NCAM2: variants seen among roughly 807,000 people sequenced by gnomAD.
NCAM2 encodes N-CAM-2.
Under a neutral mutation model 98.1 loss-of-function variants are expected in NCAM2, and 30 were observed. The observed-to-expected ratio is 0.31, with a 90% confidence interval of 0.23 to 0.41. The LOEUF is 0.41. Ranked by LOEUF, NCAM2 falls within the 10% of genes least tolerant of loss-of-function variation. The pLI is 1.00. For missense variants in NCAM2, 867 were observed against 1,005.8 expected (o/e 0.86, Z 1.87); for synonymous variants, 368 against 342.4 (o/e 1.07, Z -0.83).
chr21:21,468,863 G>T (rs1165584699), intron 14 of NCAM2, 80 bp downstream of exon 14: 3 of 1,251,216 alleles, frequency 2.4e-6, no homozygotes, highest in African/African-American at 3.0e-5. Flanking sequence ...AAACATATCA[G>T]GAGAGAATGT....
At chr21:21,526,074 C>A (rs563924946) in intron 16 of NCAM2, among the ~76,000 whole-genome samples, 1 of 151,940 alleles carries the variant, frequency 6.6e-6, no homozygotes, top group Non-Finnish European at 1.5e-5. Context: ...GAAGCTGTCC[C>A]CACTATATCC....
chr21:21,149,821 G>A (rs970908893), intron 1 of NCAM2, among the ~76,000 whole-genome samples: 2 of 151,998 alleles, frequency 1.3e-5, no homozygotes, highest in African/African-American at 2.4e-5. Flanking sequence ...TCATTGATGG[G>A]GCATTTGAGT....
chr21:21,022,659 C>A (rs2064461481), intron 1 of NCAM2, among the ~76,000 whole-genome samples: 1 of 152,002 alleles, frequency 6.6e-6, no homozygotes, highest in South Asian at 2.1e-4. Context: ...AATACAATTG[C>A]AAATTATTTT....
chr21:21,436,379 T>G (rs1978332728), intron 12 of NCAM2, among the ~76,000 whole-genome samples: 1 of 152,230 alleles, frequency 6.6e-6, no homozygotes, highest in South Asian at 2.1e-4. Context: ...TACAACATAC[T>G]TTCACAATCA....
intron 1 of NCAM2, among the ~76,000 whole-genome samples, chr21:21,278,105 TAAA>T (rs942948655): frequency 6.6e-6 from 1 of 152,070 alleles, no homozygotes; most frequent in African/African-American, 2.4e-5. Context: ...GATTATATCT[TAAA>T]GAAGAAAGTA....
chr21:21,487,404 A>G (rs1986481933), intron 15 of NCAM2, among the ~76,000 whole-genome samples: 1 of 151,784 alleles, frequency 6.6e-6, no homozygotes, highest in Non-Finnish European at 1.5e-5. Context: ...TTTTTTTCAT[A>G]CAATGGAGTT....
intron 1 of NCAM2, among the ~76,000 whole-genome samples, chr21:21,171,217 G>A (rs577505533): frequency 6.6e-6 from 1 of 152,192 alleles, no homozygotes; most frequent in African/African-American, 2.4e-5. Context: ...CTTGTAGCAT[G>A]TTTTCTTAAG....
Position 21,324,291 on chromosome 21 carries a change from A to G in NCAM2, c.620-92A>G, listed in dbSNP as rs1239533513. On this transcript the variant is annotated intron_variant, in intron 5 of 17. Coordinates refer to ENST00000400546, the MANE Select transcript of NCAM2 (RefSeq NM_004540.5). ...TATAAATGGAGATGTGAAGGATGAC[A>G]TTTGAAAGCTTAAAATGTAGCAAAA... The G allele has an allele frequency of 4.7e-6, 4 of 856,458 alleles. No individual in the cohort carries two copies. In the South Asian group the frequency reaches 7.6e-5, roughly 16 times the overall value. 53.1% of individuals were successfully genotyped at this position (856,458 alleles called of 1,614,324 possible). A position where few individuals can be genotyped will look rare whatever the true frequency, so the allele number is the denominator to read the frequency against.
At chr21:21,010,577 C>A (rs773317198) in intron 1 of NCAM2, among the ~76,000 whole-genome samples, 11 of 152,042 alleles carry the variant, frequency 7.2e-5, no homozygotes, top group Non-Finnish European at 5.9e-5. Flanking sequence ...ACAGTGACTT[C>A]TTTAATCAGG....
chr21:21,320,105 C>A (rs1309659771), intron 5 of NCAM2, among the ~76,000 whole-genome samples: 2 of 152,108 alleles, frequency 1.3e-5, no homozygotes, highest in Non-Finnish European at 2.9e-5. Flanking sequence ...TACCTTATGG[C>A]AGTTAGGTCA....
At chr21:21,175,349 A>G (rs2068248645) in intron 1 of NCAM2, among the ~76,000 whole-genome samples, 1 of 152,090 alleles carries the variant, frequency 6.6e-6, no homozygotes, top group Non-Finnish European at 1.5e-5. Context: ...CCTGGCCAAC[A>G]TGGTGAAACC....
intron 1 of NCAM2, among the ~76,000 whole-genome samples, chr21:21,159,466 G>T (rs2067715418): frequency 6.6e-6 from 1 of 152,044 alleles, no homozygotes; most frequent in Admixed American, 6.6e-5. Flanking sequence ...GGCCTCTTCA[G>T]GTGTTCAATT....
At chr21:21,089,002 T>C (rs1984351) in intron 1 of NCAM2, among the ~76,000 whole-genome samples, 33,947 of 150,492 alleles carry the variant, frequency 0.23, 4,525 homozygotes, top group African/African-American at 0.36. Flanking sequence ...TCCACATTCT[T>C]AGGTACTGTT....
intron 14 of NCAM2, among the ~76,000 whole-genome samples, chr21:21,470,184 G>A (rs1450434582): frequency 1.3e-5 from 2 of 151,936 alleles, no homozygotes; most frequent in Non-Finnish European, 2.9e-5. Context: ...TATTTCTTGA[G>A]TAGCACTGCA....
chr21:21,078,806 T>C (rs1405757264), intron 1 of NCAM2, among the ~76,000 whole-genome samples: 1 of 151,998 alleles, frequency 6.6e-6, no homozygotes, highest in Non-Finnish European at 1.5e-5. Context: ...CAATGATAGA[T>C]TAGATAAAGA....
chr21:21,523,375 G>A (rs957596810), intron 16 of NCAM2, among the ~76,000 whole-genome samples: 2 of 151,256 alleles, frequency 1.3e-5, no homozygotes, highest in Admixed American at 6.6e-5. Flanking sequence ...TGTATGGTGA[G>A]AGATAGGGGT....
At chr21:21,177,721 T>C (rs922651150) in intron 1 of NCAM2, among the ~76,000 whole-genome samples, 1 of 151,782 alleles carries the variant, frequency 6.6e-6, no homozygotes, top group Non-Finnish European at 1.5e-5. Flanking sequence ...CCTCTCCTTC[T>C]CTTTTTTCCC....
intron 5 of NCAM2, among the ~76,000 whole-genome samples, chr21:21,318,850 T>C (rs898978972): frequency 1.3e-5 from 2 of 152,224 alleles, no homozygotes; most frequent in Non-Finnish European, 2.9e-5. Flanking sequence ...TGAAGACTTA[T>C]TTATATATTG....
intron 8 of NCAM2, among the ~76,000 whole-genome samples, chr21:21,370,839 A>C (rs1288840257): frequency 6.6e-6 from 1 of 151,934 alleles, no homozygotes; most frequent in African/African-American, 2.4e-5. Context: ...GTAAATGTAA[A>C]GCTTTTTGGA....
Sources: gnomAD v4.1 joint callset for allele counts (sites outside exome capture counted in the v4.1 genomes callset) on GRCh38, gnomAD v4.1.1 for gene constraint, MANE v1.5 for transcripts, NCBI Gene and HGNC (gene_info 2026-07-23, HGNC 2026-07-21) for gene names.